MTM1: variants seen among roughly 807,000 people sequenced by gnomAD.
MTM1 encodes myotubularin.
Under a neutral mutation model 52.1 loss-of-function variants are expected in MTM1, and 9 were observed. The observed-to-expected ratio is 0.17, with a 90% confidence interval of 0.10 to 0.30. The LOEUF (loss-of-function observed/expected upper bound fraction) is 0.30, where lower values mean the gene tolerates loss of function less well. Ranked by LOEUF, MTM1 falls within the 10% of genes least tolerant of loss-of-function variation. The pLI, the probability that MTM1 is intolerant of heterozygous loss-of-function variation, is 1.00. For missense variants in MTM1, 277 were observed against 470.7 expected, an observed-to-expected ratio of 0.59 and a Z score of 3.81; for synonymous variants, 136 against 163.8, an observed-to-expected ratio of 0.83 and a Z score of 1.29.
At chrX:150,595,518 T>C (rs2038960275) in intron 2 of MTM1, among the ~76,000 whole-genome samples, 1 of 112,455 alleles carries the variant, frequency 8.9e-6, no homozygotes. Context: ...AAAACTGCTC[T>C]AACGGAAGCA....
chrX:150,671,101 A>G (rs1557415120), intron 14 of MTM1, among the ~76,000 whole-genome samples: 1 of 111,747 alleles, frequency 8.9e-6, no homozygotes, highest in African/African-American at 3.3e-5. Context: ...CTCAGAGTGA[A>G]AGAGGACAGT....
At chrX:150,600,145 G>A (rs1848203931) in intron 4 of MTM1, among the ~76,000 whole-genome samples, 1 of 110,997 alleles carries the variant, frequency 9.0e-6, no homozygotes, top group Non-Finnish European at 1.9e-5. Context: ...GCTGTGTAGG[G>A]CCCTTCCTTT....
intron 10 of MTM1, 92 bp downstream of exon 10, chrX:150,649,993 G>A: frequency 1.3e-6 from 1 of 799,692 alleles, no homozygotes. Flanking sequence ...TAAAAAAATG[G>A]ACATTGAGAG....
intron 6 of MTM1, among the ~76,000 whole-genome samples, chrX:150,634,026 ACTCTGT>A (rs782455152): frequency 8.9e-6 from 1 of 112,457 alleles, no homozygotes; most frequent in African/African-American, 3.2e-5. Context: ...TAGAGCCAGG[ACTCTGT>A]CTCAAAAACA....
upstream of MTM1, among the ~76,000 whole-genome samples, chrX:150,565,993 TACACACACAC>T (rs782745793): frequency 2.9e-3 from 257 of 88,442 alleles, no homozygotes; most frequent in African/African-American, 9.3e-3. Flanking sequence ...TGAAGATTCC[TACACACACAC>T]ACACACACAC....
At chrX:150,569,235 C>G (rs1425740418) in intron 1 of MTM1, among the ~76,000 whole-genome samples, 3 of 113,519 alleles carry the variant, frequency 2.6e-5, no homozygotes, top group Middle Eastern at 4.6e-3. Context: ...GAGGGAAGAT[C>G]TTAGAGGGAA....
At chrX:150,622,911 C>G (rs782749414) in intron 6 of MTM1, among the ~76,000 whole-genome samples, 5 of 111,973 alleles carry the variant, frequency 4.5e-5, no homozygotes, top group Non-Finnish European at 9.4e-5. Flanking sequence ...AGGCCTGCCC[C>G]TCAGTAAAGA....
chrX:150,565,003 C>A (rs2038244421), upstream of MTM1, among the ~76,000 whole-genome samples: 1 of 111,865 alleles, frequency 8.9e-6, no homozygotes, highest in African/African-American at 3.3e-5. Context: ...ACCCATTTCA[C>A]AGATGAGGAA....
chrX:150,666,500 T>G (rs1029308059), intron 14 of MTM1, among the ~76,000 whole-genome samples: 3 of 112,534 alleles, frequency 2.7e-5, no homozygotes, highest in Non-Finnish European at 5.6e-5. Flanking sequence ...TTCTAAATTC[T>G]AATACTCATA....
chrX:150,563,454 A>G (rs900003592), upstream of MTM1, among the ~76,000 whole-genome samples: 17 of 106,078 alleles, frequency 1.6e-4, no homozygotes, highest in Non-Finnish European at 2.9e-4. Context: ...AGCTGGGACT[A>G]CAGGCACGTG....
intron 1 of MTM1, among the ~76,000 whole-genome samples, chrX:150,575,121 T>C (rs2038447266): frequency 8.9e-6 from 1 of 112,430 alleles, no homozygotes; most frequent in African/African-American, 3.2e-5. Flanking sequence ...GCACCATTGG[T>C]ATATGTATGA....
At chrX:150,626,159 TC>T (rs2039565428) in intron 6 of MTM1, among the ~76,000 whole-genome samples, 2 of 112,509 alleles carry the variant, frequency 1.8e-5, no homozygotes, top group South Asian at 7.3e-4. Flanking sequence ...CTACCCCATG[TC>T]CTCTCTTGCT....
chrX:150,670,229 G>A (rs1243375866), intron 14 of MTM1, among the ~76,000 whole-genome samples: 2 of 112,428 alleles, frequency 1.8e-5, no homozygotes, highest in African/African-American at 6.5e-5. Flanking sequence ...AACTTAACAT[G>A]CTGGGAGAGT....
chrX:150,565,530 G>A (rs1557411196), upstream of MTM1, among the ~76,000 whole-genome samples: 2 of 112,006 alleles, frequency 1.8e-5, no homozygotes. Context: ...GTTGAGGCAG[G>A]AGTGGGGACT....
intron 3 of MTM1, among the ~76,000 whole-genome samples, 192 bp from the exon 4 acceptor site, chrX:150,598,400 A>G (rs2039015002): frequency 8.9e-6 from 1 of 112,220 alleles, no homozygotes; most frequent in South Asian, 3.7e-4. Flanking sequence ...TGGCCCCACT[A>G]GTTCTCCCAC....
At chrX:150,584,978 C>T (rs782376244) in intron 1 of MTM1, among the ~76,000 whole-genome samples, 51 of 108,920 alleles carry the variant, frequency 4.7e-4, no homozygotes, top group Admixed American at 8.9e-4. Context: ...ATTTTTGATC[C>T]GCAGTTGGTT....
At chrX:150,608,117 G>C (rs1276042811) in intron 4 of MTM1, among the ~76,000 whole-genome samples, 1 of 111,650 alleles carries the variant, frequency 9.0e-6, no homozygotes, top group Non-Finnish European at 1.9e-5. Context: ...GGCTGAGTTG[G>C]GGGAGAATGG....
intron 10 of MTM1, among the ~76,000 whole-genome samples, chrX:150,650,649 TC>T (rs1557414163): frequency 9.0e-6 from 1 of 111,062 alleles, no homozygotes; most frequent in African/African-American, 3.3e-5. Flanking sequence ...TGGAAACATG[TC>T]TGTCACTCTC....
At chrX:150,638,865 T>G (rs1557413774) in intron 6 of MTM1, 78 bp from the exon 7 acceptor site, 2 of 761,418 alleles carry the variant, frequency 2.6e-6, no homozygotes, top group African/African-American at 4.1e-5. Context: ...AAATTTATTT[T>G]GCGAGAAATC....
Sources: allele counts gnomAD v4.1 joint callset (sites outside exome capture counted in the v4.1 genomes callset), GRCh38; gene constraint gnomAD v4.1.1; transcripts MANE v1.5; gene names NCBI Gene and HGNC (gene_info 2026-07-23, HGNC 2026-07-21).